Variants in POLR2F observed in about 807,000 individuals in gnomAD.
POLR2F encodes DNA-directed RNA polymerases I, II, and III subunit RPABC2.
A neutral mutation model predicts 22.7 loss-of-function variants in POLR2F; 12 were observed. The observed-to-expected ratio is 0.53, with a 90% CI of 0.34 to 0.86. The LOEUF (loss-of-function observed/expected upper bound fraction) is 0.86. POLR2F is among the 40% of genes least tolerant of loss of function. The pLI, the probability that POLR2F is intolerant of heterozygous loss-of-function variation, is 0.02. For synonymous variants in POLR2F, 57 were observed against 66.0 expected (o/e 0.86, Z 0.66); for missense variants, 126 against 171.5 (o/e 0.73, Z 1.48).
intron 5 of POLR2F, chr22:38,040,645 C>T (rs1409709084): frequency 9.4e-6 from 2 of 212,458 alleles, no homozygotes; most frequent in Non-Finnish European, 1.9e-5. Flanking sequence ...AGTGCCAGCA[C>T]ACAGTAGATG....
rs576418416 is a variant in POLR2F at position 38,039,181 on chromosome 22, G to A, written c.453-1887G>A. On this transcript the variant is annotated intron_variant, in intron 5 of 5. Coordinates refer to the POLR2F transcript ENST00000407936. Reference sequence around the variant, plus strand: ...AGCCCCTCCAGAAAGAGCCGTCTCTGCACCCGCTCCCACCCGTGGGAAGCA... The same window carrying A: ...AGCCCCTCCAGAAAGAGCCGTCTCTACACCCGCTCCCACCCGTGGGAAGCA... 2.0e-5 allele frequency among the ~76,000 whole-genome samples: 3 copies of A among 152,332 alleles called. No individual in the cohort carries two copies. The South Asian group carries it at 6.2e-4, about 32-fold the overall frequency.
intron 5 of POLR2F, chr22:38,032,933 A>G (rs200702457): frequency 6.6e-4 from 110 of 167,248 alleles, no homozygotes; most frequent in Middle Eastern, 3.4e-3. Context: ...GGAATCCCTT[A>G]CTGCCGTCCA....
intron 1 of POLR2F, among the ~76,000 whole-genome samples, chr22:37,999,583 C>T (rs1339322941): frequency 6.6e-6 from 1 of 152,036 alleles, no homozygotes; most frequent in African/African-American, 2.4e-5. Flanking sequence ...CGTCCTGACA[C>T]CCCTTCCCCT....
At chr22:38,033,165 AAAAG>A (rs955481665) in intron 5 of POLR2F, 1 of 155,228 alleles carries the variant, frequency 6.4e-6, no homozygotes, top group African/African-American at 2.4e-5. Flanking sequence ...TCTTAAAAAA[AAAAG>A]AAAGAAAAAA....
chr22:38,020,281 T>C (rs1203676962), intron 1 of POLR2F, among the ~76,000 whole-genome samples: 1 of 151,750 alleles, frequency 6.6e-6, no homozygotes, highest in East Asian at 1.9e-4. Flanking sequence ...AAAAAATTTT[T>C]TTAGATGGAG....
upstream of POLR2F, chr22:37,983,637 C>G: frequency 1.2e-6 from 2 of 1,600,786 alleles, no homozygotes; most frequent in South Asian, 2.2e-5. The surrounding 1 kb of genome is among the most constrained non-coding windows in gnomAD (Gnocchi z 9.5). Flanking sequence ...TTGCCCAGCT[C>G]GCCTGGCCCC....
At chr22:37,979,976 C>T (rs1932345696) in intron 4 of POLR2F, among the ~76,000 whole-genome samples, 1 of 152,016 alleles carries the variant, frequency 6.6e-6, no homozygotes, top group Non-Finnish European at 1.5e-5. Context: ...CCAGGCTGGG[C>T]GGGGGTGGTC....
At chr22:38,020,400 G>A (rs2084951163) in intron 1 of POLR2F, among the ~76,000 whole-genome samples, 1 of 150,896 alleles carries the variant, frequency 6.6e-6, no homozygotes, top group Admixed American at 6.6e-5. Flanking sequence ...GAGTAGCTGG[G>A]ATTACAGGTG....
At chr22:37,999,836 C>T (rs1444833894) in intron 1 of POLR2F, among the ~76,000 whole-genome samples, 1 of 152,176 alleles carries the variant, frequency 6.6e-6, no homozygotes, top group Non-Finnish European at 1.5e-5. Context: ...AAGTGCCCGA[C>T]ACAATAGCCA....
intron 3 of POLR2F, among the ~76,000 whole-genome samples, chr22:37,965,087 A>G (rs1014279596): frequency 6.6e-6 from 1 of 151,850 alleles, no homozygotes; most frequent in Non-Finnish European, 1.5e-5. Context: ...GCTCACTGCA[A>G]CCTTCACCTC....
At chr22:38,005,043 T>C (rs1224021952) in intron 1 of POLR2F, among the ~76,000 whole-genome samples, 1 of 152,252 alleles carries the variant, frequency 6.6e-6, no homozygotes, top group Non-Finnish European at 1.5e-5. Flanking sequence ...CATTGGTTTT[T>C]AACTGCAGGG....
chr22:37,967,707 A>G lies in POLR2F; in HGVS notation c.376A>G (p.Thr126Ala), dbSNP rs1263288128. The G allele has an allele frequency of 6.2e-7, 1 of 1,613,316 alleles. No individual in the cohort carries two copies. The change falls in exon 5 of 5, where the codon ACC (threonine) becomes GCC (alanine). Residue 126 changes from threonine to alanine, a missense_variant. Physicochemically the swap from Thr to Ala is moderately conservative, Grantham distance 58 (BLOSUM62 0). Transcript: ENST00000442738. ...EDWGVDELII[T>A]D Reference sequence around the variant, plus strand: ...CTGGGGGGTGGACGAGCTCATCATCACCGACTGAGCTGGAGTCATCTTCCT... The same window carrying G: ...CTGGGGGGTGGACGAGCTCATCATCGCCGACTGAGCTGGAGTCATCTTCCT...
At chr22:37,989,911 T>C (rs753279075) in intron 1 of POLR2F, among the ~76,000 whole-genome samples, 3 of 152,238 alleles carry the variant, frequency 2.0e-5, no homozygotes, top group Non-Finnish European at 4.4e-5. Context: ...TAGGCACTGC[T>C]GCAGCCCCAC....
intron 1 of POLR2F, among the ~76,000 whole-genome samples, chr22:38,022,551 C>CAAAAA (rs376987789): frequency 1.6e-4 from 9 of 55,706 alleles, no homozygotes; most frequent in African/African-American, 2.0e-4. Flanking sequence ...AACGCTGTCT[C>CAAAAA]AAAAAAAAAA....
chr22:38,007,632 G>C (rs551273265), intron 1 of POLR2F, among the ~76,000 whole-genome samples: 12 of 152,372 alleles, frequency 7.9e-5, no homozygotes, highest in African/African-American at 2.4e-4. Context: ...GCAGGTGACA[G>C]AGAGGGCACC....
chr22:37,964,902 C>G (rs1931794408), intron 3 of POLR2F, among the ~76,000 whole-genome samples: 1 of 151,790 alleles, frequency 6.6e-6, no homozygotes, highest in Admixed American at 6.6e-5. Context: ...GGGAGCAAAG[C>G]TTGATCCAGC....
downstream of POLR2F, chr22:38,041,568 G>A (rs975825151): frequency 3.2e-5 from 5 of 158,034 alleles, no homozygotes; most frequent in Admixed American, 6.3e-5. Flanking sequence ...GCATCCTTAC[G>A]TTAACTCATT....
At chr22:38,035,085 C>T (rs900955584) in intron 5 of POLR2F, among the ~76,000 whole-genome samples, 1 of 152,146 alleles carries the variant, frequency 6.6e-6, no homozygotes, top group Non-Finnish European at 1.5e-5. Flanking sequence ...TAGTGTAGGT[C>T]TTGCTTCTTC....
At chr22:37,964,573 T>TA (rs1491288639) in intron 3 of POLR2F, among the ~76,000 whole-genome samples, 1 of 17,878 alleles carries the variant, frequency 5.6e-5, no homozygotes, top group Non-Finnish European at 1.1e-4. Flanking sequence ...TCTTTCTTTC[T>TA]TTTTTTTTTT....
Sources: allele counts gnomAD v4.1 joint callset (sites outside exome capture counted in the v4.1 genomes callset), GRCh38; gene constraint gnomAD v4.1.1; non-coding constraint Gnocchi (gnomAD v3.1); transcripts MANE v1.5; gene names NCBI Gene and HGNC (gene_info 2026-07-23, HGNC 2026-07-21).